ALDH3A1: variants seen among roughly 807,000 people sequenced by gnomAD.
The protein encoded by ALDH3A1 is aldehyde dehydrogenase 3 family member A1.
ALDH3A1 carries 46 observed loss-of-function variants against 49.9 expected under a neutral mutation model. The ratio of observed to expected loss-of-function variants is 0.92; its 90% CI spans 0.73 to 1.18. The LOEUF (loss-of-function observed/expected upper bound fraction) is 1.18. Among genes scored for constraint, ALDH3A1 ranks in the 50% most tolerant of loss-of-function variants. The pLI is 0.00. For missense variants in ALDH3A1, 592 were observed against 611.8 expected (o/e 0.97, Z 0.34); for synonymous variants, 269 against 253.3 (o/e 1.06, Z -0.59).
chr17:19,741,042 C>G lies in ALDH3A1; in HGVS notation c.807+51G>C, dbSNP rs373647477. 71 of 1,418,976 alleles carry G rather than the reference C, an allele frequency of 5.0e-5. No individual in the cohort carries two copies. In the African/African-American group the frequency reaches 8.8e-4, roughly 18 times the overall value. 87.9% of individuals were successfully genotyped at this position (1,418,976 alleles called of 1,614,324 possible). A position where few individuals can be genotyped will look rare whatever the true frequency, so the allele number is the denominator to read the frequency against. On this transcript the variant is annotated intron_variant, in intron 6 of 10. Transcript: ENST00000225740. ...GAAGTTGGTTAAGGGGCCAGGCCCC[C>G]CTTGTGCCTTACAGCCTCTCATCCC...
chr17:19,745,691 C>T (rs540496945), intron 1 of ALDH3A1: 1 of 152,468 alleles, frequency 6.6e-6, no homozygotes, highest in African/African-American at 2.4e-5. Context: ...CGCCCATGCC[C>T]GCCAAGGATT....
rs1294801404 is a variant in ALDH3A1, at chr17:19,738,077, G to A, written c.*144C>T. Reference sequence around the variant, plus strand: ...AGGCCTGGGCCCATGTGGGAGTGGGGTGTGCACAGGTCAGCAGGTCAGCAG... The same window carrying A: ...AGGCCTGGGCCCATGTGGGAGTGGGATGTGCACAGGTCAGCAGGTCAGCAG... On this transcript the variant is annotated 3_prime_UTR_variant, in exon 11 of 11. Coordinates refer to ENST00000225740, the MANE Select transcript of ALDH3A1 (RefSeq NM_000691.5). The A allele has an allele frequency of 1.3e-6, 2 of 1,572,752 alleles. No homozygotes were observed. The highest frequency in any genetic ancestry group is 1.7e-6 in the Non-Finnish European group (2 of 1,166,876).
Position 19,748,213 on chromosome 17 carries a change from C to A in ALDH3A1, c.-6+46G>T, listed in dbSNP as rs1480352800. On this transcript the variant is annotated intron_variant, in intron 1 of 10. Coordinates refer to ENST00000225740, the MANE Select transcript of ALDH3A1 (RefSeq NM_000691.5). The surrounding 1 kb of genome is among the most constrained non-coding windows in gnomAD (Gnocchi z 4.4). Reference sequence around the variant, plus strand: ...AGGGCCCCGGCTCTGAGTGCAGACTCCACCTAGACAAGAGAAAAAATAAGG... The same window carrying A: ...AGGGCCCCGGCTCTGAGTGCAGACTACACCTAGACAAGAGAAAAAATAAGG... 2 of 427,610 alleles carry A rather than the reference C, an allele frequency of 4.7e-6. No individual in the cohort carries two copies. Among genetic ancestry groups the A allele is most frequent in the Non-Finnish European group, 9.5e-6 (2 of 211,040 alleles). 26.5% of individuals were successfully genotyped at this position (427,610 alleles called of 1,614,324 possible).
In ALDH3A1 at chr17:19,746,630, TGTGTGTGCGTGTGC is replaced by T. The variant is rs2086599038; in HGVS notation, c.-5-1510_-5-1497del. 3.5e-5 allele frequency among the ~76,000 whole-genome samples: 5 copies of T among 143,446 alleles called. No individual in the cohort carries two copies. The South Asian group carries it at 1.0e-3, about 30-fold the overall frequency. The allele number at this position is 143,446 out of a possible 152,430, so 94.1% of individuals were successfully genotyped here. On this transcript the variant is annotated intron_variant, in intron 1 of 10. Transcript: ENST00000225740. ...GTGTGCATGTGTGTGTGTGCGTGTGTGTGTGTGCGTGTGCGTGTGTGTGCATGTGTGTGTGTGCG... is the reference window on the plus strand; with the variant it reads ...GTGTGCATGTGTGTGTGTGCGTGTGTGTGTGTGTGCATGTGTGTGTGTGCG...
rs773640943 is a variant in ALDH3A1, at chr17:19,741,227, C to A, written c.690-17G>T. 7 of 1,609,502 alleles carry A rather than the reference C, an allele frequency of 4.3e-6. No individual in the cohort carries two copies. In the South Asian group the frequency reaches 6.6e-5, roughly 15 times the overall value. ...GCGATGCGTCTGTGAGAATCCCAGA[C>A]TGGACTAAATCCAAAAGGTTCCCCA... On this transcript the variant is annotated splice_polypyrimidine_tract_variant and intron_variant, in intron 5 of 10. Coordinates refer to ENST00000225740, the MANE Select transcript of ALDH3A1 (RefSeq NM_000691.5).
At chr17:19,745,495 A>C (rs1232360670) in intron 1 of ALDH3A1, 1 of 208,178 alleles carries the variant, frequency 4.8e-6, no homozygotes, top group East Asian at 1.2e-4. Context: ...AGAGCTCTGC[A>C]CACGCAGTCA....
Position 19,743,270 on chromosome 17 carries a change from T to A in ALDH3A1, c.356A>T (p.Asn119Ile), listed in dbSNP as rs1400830457. 1 of 1,613,710 alleles carries A rather than the reference T, an allele frequency of 6.2e-7. No individual in the cohort carries two copies. The highest frequency in any genetic ancestry group is 2.2e-5 in the East Asian group (1 of 44,864). The change falls in exon 3 of 11, where the codon AAC becomes ATC. Residue 119 changes from asparagine (N) to isoleucine (I), a missense_variant. Coordinates refer to ENST00000225740, the MANE Select transcript of ALDH3A1 (RefSeq NM_000691.5). This position sits in a 1 kb window ranked among gnomAD's most constrained non-coding sequence, Gnocchi z 4.4. ...GCCCACCATGGGCTGGATGGTGAGG[T>A]TGAAGGGGTAGTTCCAGGTGCCAAT... ...LVIGTWNYPF[N>I]LTIQPMVGAI...
intron 1 of ALDH3A1, among the ~76,000 whole-genome samples, chr17:19,747,702 A>G (rs1428366768): frequency 6.6e-6 from 1 of 151,762 alleles, no homozygotes; most frequent in Non-Finnish European, 1.5e-5. Context: ...GTCGCCTCAC[A>G]CCCCACATTC....
chr17:19,740,136 G>A (rs1425158829), intron 7 of ALDH3A1, 200 bp downstream of exon 7: 2 of 600,286 alleles, frequency 3.3e-6, no homozygotes, highest in East Asian at 5.9e-5. Context: ...CCTTTGCTGG[G>A]AGAGGGGATT....
At chr17:19,742,515 G>A (rs2086514676) in intron 4 of ALDH3A1, 30 bp downstream of exon 4, 1 of 1,603,024 alleles carries the variant, frequency 6.2e-7, no homozygotes, top group South Asian at 1.1e-5. Flanking sequence ...ATGAGGCCAT[G>A]GAGTTACGAG....
In ALDH3A1 at chr17:19,741,198, C is replaced by G; in HGVS notation, c.702G>C (p.Trp234Cys). ...DLDVACRRIA[W>C]GKFMNSGQTC... ...TCTGGCCACTGTTCATGAATTTCCC[C>G]CAGGCGATGCGTCTGTGAGAATCCC... Residue 234 changes from tryptophan (W) to cysteine (C), a missense_variant, in exon 6 of 11, where the codon TGG becomes TGC. Physicochemically the swap from Trp to Cys is radical, Grantham distance 215. Transcript: ENST00000225740. 6.2e-7 allele frequency: 1 copy of G among 1,613,836 alleles called. No individual in the cohort carries two copies. Among genetic ancestry groups the G allele is most frequent in the Non-Finnish European group, 8.5e-7 (1 of 1,179,848 alleles).
Position 19,747,231 on chromosome 17 carries a change from C to A in ALDH3A1, c.-6+1028G>T, listed in dbSNP as rs542918803. ...TCCAATCCTTCCTCTGCCTCCCCTC[C>A]CCATAGGCTGACCCCTAATCCCAGG... On this transcript the variant is annotated intron_variant, in intron 1 of 10. Coordinates refer to ENST00000225740, the MANE Select transcript of ALDH3A1 (RefSeq NM_000691.5). 3.0e-4 allele frequency among the ~76,000 whole-genome samples: 46 copies of A among 152,322 alleles called. 1 individual carries two copies. Among genetic ancestry groups the A allele is most frequent in the Non-Finnish European group, 5.9e-5 (4 of 68,032 alleles).
chr17:19,745,886 A>G (rs2086588873), intron 1 of ALDH3A1, among the ~76,000 whole-genome samples: 1 of 152,244 alleles, frequency 6.6e-6, no homozygotes, highest in South Asian at 2.1e-4. Flanking sequence ...CACGAATAAG[A>G]AAGTCATCAC....
At position 19,743,551 on chromosome 17, in the gene ALDH3A1, G is replaced by T; in HGVS notation, c.163-88C>A. ...GGGAGCCCCACTGCTCAGCTGCCAG[G>T]GTGATGGGGGTCACTCACCCAGCCC... On this transcript the variant is annotated intron_variant, in intron 2 of 10. Coordinates refer to ENST00000225740, the MANE Select transcript of ALDH3A1 (RefSeq NM_000691.5). The surrounding 1 kb of genome is among the most constrained non-coding windows in gnomAD (Gnocchi z 4.4). 1 of 1,503,100 alleles carries T rather than the reference G, an allele frequency of 6.7e-7. No homozygotes were observed. 93.1% of individuals were successfully genotyped at this position (1,503,100 alleles called of 1,614,324 possible).
Position 19,747,806 on chromosome 17 carries a change from C to G in ALDH3A1, c.-6+453G>C, listed in dbSNP as rs75819168. 8.9e-3 allele frequency: 1,369 copies of G among 154,580 alleles called. 11 individuals are homozygous for G. Among genetic ancestry groups the G allele is most frequent in the Non-Finnish European group, 0.014 (961 of 69,296 alleles). The allele number at this position is 154,580 out of a possible 1,614,324, so 9.6% of individuals were successfully genotyped here. On this transcript the variant is annotated intron_variant, in intron 1 of 10. Transcript: ENST00000225740. ...ATTGCCTTCCATCCTCACAAAAGCT[C>G]TGTAGTGATGCCCATGAAGAAGAAA...
chr17:19,740,362 G>A lies in ALDH3A1; in HGVS notation c.923C>T (p.Thr308Ile). 1 of 1,614,024 alleles carries A rather than the reference G, an allele frequency of 6.2e-7. No homozygotes were observed. The highest frequency in any genetic ancestry group is 8.5e-7 in the Non-Finnish European group (1 of 1,180,006). ...IEGQKVAYGG[T>I]GDAATRYIAP... The stretch of plus-strand genomic sequence containing the variant: ...TATGTAGCGAGTGGCGGCATCCCCG[G>A]TGCCCCCATAAGCCACCTTCTGGCC... The change falls in exon 7 of 11, where the codon ACC becomes ATC. Residue 308 changes from threonine to isoleucine, a missense_variant. By Grantham distance (89) the Thr-to-Ile change is moderately conservative. Coordinates refer to ENST00000225740, the MANE Select transcript of ALDH3A1 (RefSeq NM_000691.5).
intron 6 of ALDH3A1, 56 bp downstream of exon 6, chr17:19,741,037 G>GC (rs1277481374): frequency 2.2e-6 from 3 of 1,349,902 alleles, no homozygotes; most frequent in Non-Finnish European, 3.2e-6. Flanking sequence ...AAGGGGCCAG[G>GC]CCCCCCTTGT....
rs189806390 is a variant in ALDH3A1, at chr17:19,748,167, G to A, written c.-6+92C>T. On this transcript the variant is annotated intron_variant, in intron 1 of 10. Coordinates refer to ENST00000225740, the MANE Select transcript of ALDH3A1 (RefSeq NM_000691.5). This position sits in a 1 kb window ranked among gnomAD's most constrained non-coding sequence, Gnocchi z 4.4. ...AGAGGCAGGGACCCCCTGGAGAGAT[G>A]ATGTAGGACTCTTGACACTTAGGGC... 2.8e-6 allele frequency: 1 copy of A among 355,260 alleles called. No homozygotes were observed. Among genetic ancestry groups the A allele is most frequent in the African/African-American group, 2.1e-5 (1 of 46,982 alleles). The allele number at this position is 355,260 out of a possible 1,614,324, so 22.0% of individuals were successfully genotyped here.
At position 19,745,222 on chromosome 17, in the gene ALDH3A1, C is replaced by T. The variant is rs2086580319; in HGVS notation, c.-5-88G>A. On this transcript the variant is annotated intron_variant, in intron 1 of 10. Transcript: ENST00000225740. Reference sequence around the variant, plus strand: ...CCTGAATTCTATAGGAAGGGACTTCCCTGGGCTCGGCCTTGGGGAAAATGG... The same window carrying T: ...CCTGAATTCTATAGGAAGGGACTTCTCTGGGCTCGGCCTTGGGGAAAATGG... The T allele has an allele frequency of 8.0e-6, 11 of 1,377,130 alleles. No homozygotes were observed. In the South Asian group the frequency reaches 1.3e-4, roughly 17 times the overall value. The allele number at this position is 1,377,130 out of a possible 1,614,324, so 85.3% of individuals were successfully genotyped here.
Sources: allele counts gnomAD v4.1 joint callset (sites outside exome capture counted in the v4.1 genomes callset), GRCh38; gene constraint gnomAD v4.1.1; non-coding constraint Gnocchi (gnomAD v3.1); transcripts MANE v1.5; gene names NCBI Gene and HGNC (gene_info 2026-07-23, HGNC 2026-07-21).